Variants in SOX5 observed in about 807,000 individuals in gnomAD.
The protein encoded by SOX5 is SRY-box transcription factor 5.
In SOX5, 9 loss-of-function variants were observed where a neutral mutation model predicts 92.0. The observed-to-expected ratio is 0.10, with a 90% CI of 0.06 to 0.17. The LOEUF (loss-of-function observed/expected upper bound fraction) is 0.17, where lower values mean the gene tolerates loss of function less well. Among genes scored for constraint, SOX5 ranks in the 10% least tolerant of loss-of-function variants. SOX5 has a pLI of 1.00. For synonymous variants in SOX5, 344 were observed against 336.3 expected (o/e 1.02, Z -0.25); for missense variants, 642 against 944.5 (o/e 0.68, Z 4.20).
chr12:23,707,430 A>G (rs974947463), intron 6 of SOX5, among the ~76,000 whole-genome samples: 3 of 152,152 alleles, frequency 2.0e-5, no homozygotes, highest in African/African-American at 7.2e-5. Flanking sequence ...TTCAGGGAAC[A>G]TGAGTCAGAC....
At chr12:24,055,496 C>T (rs1421300654) in intron 4 of SOX5, among the ~76,000 whole-genome samples, 1 of 152,212 alleles carries the variant, frequency 6.6e-6, no homozygotes, top group Non-Finnish European at 1.5e-5. Flanking sequence ...TCAATCTCTG[C>T]CACCCTGAGT....
chr12:24,353,157 T>G (rs1954324274), intron 2 of SOX5, among the ~76,000 whole-genome samples: 2 of 152,184 alleles, frequency 1.3e-5, no homozygotes, highest in African/African-American at 4.8e-5. Flanking sequence ...TGGTCAAATC[T>G]TACCCGGCTC....
intron 2 of SOX5, among the ~76,000 whole-genome samples, chr12:24,314,523 A>C (rs769899944): frequency 6.6e-6 from 1 of 151,110 alleles, no homozygotes; most frequent in Non-Finnish European, 1.5e-5. Context: ...AATAAAAATA[A>C]AAATTAAAAA....
intron 1 of SOX5, among the ~76,000 whole-genome samples, chr12:24,549,029 G>T (rs1489096894): frequency 6.6e-6 from 1 of 151,906 alleles, no homozygotes; most frequent in Non-Finnish European, 1.5e-5. Context: ...CTAATTCTAA[G>T]AACACACTCT....
chr12:23,755,773 A>C, intron 3 of SOX5, 49 bp from the exon 4 acceptor site: 1 of 1,207,788 alleles, frequency 8.3e-7, no homozygotes, highest in Non-Finnish European at 1.2e-6. Context: ...CTCTCCTTAC[A>C]ATGGAGCTCA....
chr12:23,747,358 G>A lies in SOX5; in HGVS notation c.569-6319C>T, dbSNP rs995381863. Among the ~76,000 whole-genome samples the A allele has an allele frequency of 3.3e-5, 5 of 152,018 alleles. No homozygotes were observed. The East Asian group carries it at 5.8e-4, about 18-fold the overall frequency. ...ACTAAAATCCATTCTCCAAACAAAC[G>A]TTCATAGTTATCTGCTTAGAAAGGT... On this transcript the variant is annotated intron_variant, in intron 4 of 14. Coordinates refer to ENST00000451604, the MANE Select transcript of SOX5 (RefSeq NM_006940.6).
At chr12:23,829,554 G>A (rs1341887678) in intron 3 of SOX5, among the ~76,000 whole-genome samples, 2 of 152,122 alleles carry the variant, frequency 1.3e-5, no homozygotes, top group African/African-American at 4.8e-5. Context: ...TAGAGTCTGG[G>A]TCAATGGGCC....
intron 4 of SOX5, among the ~76,000 whole-genome samples, chr12:23,998,995 G>A (rs1951320832): frequency 6.6e-6 from 1 of 151,810 alleles, no homozygotes; most frequent in Non-Finnish European, 1.5e-5. Context: ...AAGACCAAGA[G>A]ATAATTTTAA....
chr12:23,913,741 GAAAAAAA>G (rs765548695), intron 1 of SOX5, among the ~76,000 whole-genome samples: 1 of 58,064 alleles, frequency 1.7e-5, no homozygotes, highest in Non-Finnish European at 4.1e-5. Flanking sequence ...TGTCTCAGAA[GAAAAAAA>G]AAAAAAAAAA....
intron 3 of SOX5, among the ~76,000 whole-genome samples, chr12:23,793,649 G>C (rs911902070): frequency 3.3e-5 from 5 of 152,132 alleles, no homozygotes; most frequent in African/African-American, 9.7e-5. Context: ...CAAAATAGTG[G>C]GGAAGCTCTA....
At chr12:23,580,578 A>T (rs148328609) in intron 9 of SOX5, among the ~76,000 whole-genome samples, 1 of 152,054 alleles carries the variant, frequency 6.6e-6, no homozygotes, top group African/African-American at 2.4e-5. Context: ...ACAAGAAAAT[A>T]ATATTTTATA....
intron 1 of SOX5, among the ~76,000 whole-genome samples, chr12:24,540,463 G>T (rs375306070): frequency 1.3e-5 from 2 of 152,046 alleles, no homozygotes; most frequent in South Asian, 4.1e-4. Context: ...CTAAGTCTGT[G>T]CACACATATG....
At chr12:23,844,926 AAT>A (rs1430873172) in intron 3 of SOX5, among the ~76,000 whole-genome samples, 1 of 152,212 alleles carries the variant, frequency 6.6e-6, no homozygotes, top group Non-Finnish European at 1.5e-5. Flanking sequence ...GGCTGACAAG[AAT>A]ATCTCTAAAA....
At chr12:24,129,024 C>T (rs1325665167) in intron 4 of SOX5, among the ~76,000 whole-genome samples, 1 of 152,112 alleles carries the variant, frequency 6.6e-6, no homozygotes, top group African/African-American at 2.4e-5. Context: ...CGCAATTATG[C>T]ACATTTACAA....
intron 8 of SOX5, among the ~76,000 whole-genome samples, chr12:23,615,294 C>T (rs905716581): frequency 1.6e-4 from 25 of 151,716 alleles, no homozygotes; most frequent in Non-Finnish European, 3.5e-4. Flanking sequence ...AAAAATTAAG[C>T]TGTCTTATTA....
intron 1 of SOX5, among the ~76,000 whole-genome samples, chr12:24,463,667 A>G (rs1185436307): frequency 3.3e-5 from 5 of 152,330 alleles, no homozygotes; most frequent in East Asian, 3.9e-4. Context: ...CAAAATGCCT[A>G]TCTATTTTCA....
At chr12:24,346,491 G>T (rs1229786853) in intron 2 of SOX5, among the ~76,000 whole-genome samples, 1 of 140,390 alleles carries the variant, frequency 7.1e-6, no homozygotes, top group East Asian at 2.1e-4. Flanking sequence ...TCACTCTGTT[G>T]CCTAGGCTGG....
chr12:24,148,856 C>A (rs556469479), intron 4 of SOX5, among the ~76,000 whole-genome samples: 113 of 128,818 alleles, frequency 8.8e-4, no homozygotes, highest in Middle Eastern at 3.6e-3. Context: ...CACCATTGCA[C>A]CACAGCCTGG....
intron 2 of SOX5, among the ~76,000 whole-genome samples, chr12:23,870,417 A>G (rs986078125): frequency 1.3e-5 from 2 of 152,088 alleles, no homozygotes; most frequent in African/African-American, 2.4e-5. Context: ...AAACCAAAGG[A>G]AAAAAATATT....
Sources: allele counts gnomAD v4.1 joint callset (sites outside exome capture counted in the v4.1 genomes callset), GRCh38; gene constraint gnomAD v4.1.1; transcripts MANE v1.5; gene names NCBI Gene and HGNC (gene_info 2026-07-23, HGNC 2026-07-21).